The following MINPP1 variants were observed in gnomAD, a reference collection of about 807,000 sequenced individuals.
The protein encoded by MINPP1 is multiple inositol-polyphosphate phosphatase 1, also known as multiple inositol polyphosphate phosphatase 1.
A neutral mutation model predicts 46.1 loss-of-function variants in MINPP1; 28 were observed. The ratio of observed to expected loss-of-function variants is 0.61; its 90% CI spans 0.45 to 0.83. MINPP1 has a LOEUF of 0.83. Among genes scored for constraint, MINPP1 ranks in the 40% least tolerant of loss-of-function variants. MINPP1 has a pLI of 0.00. For missense variants in MINPP1, 603 were observed against 610.0 expected (o/e 0.99, Z 0.12); for synonymous variants, 268 against 249.1 (o/e 1.08, Z -0.72).
chr10:87,524,873 AG>A (rs1382288340), intron 4 of MINPP1, among the ~76,000 whole-genome samples: 1 of 152,216 alleles, frequency 6.6e-6, no homozygotes, highest in Admixed American at 6.5e-5. Flanking sequence ...GTAACATAAA[AG>A]ATCACTGATC....
intron 4 of MINPP1, among the ~76,000 whole-genome samples, chr10:87,543,172 C>T (rs1851840416): frequency 6.6e-6 from 1 of 152,112 alleles, no homozygotes; most frequent in African/African-American, 2.4e-5. Flanking sequence ...CAAGATGTGG[C>T]CTGGCTGCTT....
intron 4 of MINPP1, among the ~76,000 whole-genome samples, chr10:87,535,522 GC>G (rs1278515770): frequency 6.6e-6 from 1 of 152,166 alleles, no homozygotes; most frequent in African/African-American, 2.4e-5. Flanking sequence ...AATGTAAAAT[GC>G]CCAAGTTAAT....
rs552675367 is a variant in MINPP1 at position 87,542,761 on chromosome 10, C to T, written c.1068-9321C>T. Among the ~76,000 whole-genome samples the T allele has an allele frequency of 1.9e-3, 285 of 152,286 alleles. 2 individuals carry two copies. Among genetic ancestry groups the T allele is most frequent in the African/African-American group, 6.4e-3 (264 of 41,546 alleles). On this transcript the variant is annotated intron_variant, in intron 4 of 4. Transcript: ENST00000371996. ...GCCTGCAGAACCGTAAGCCAAAATA[C>T]ACTTGTTTTCTTTATAAATTACCCA...
In MINPP1 at chr10:87,505,569, C is replaced by T. The variant is rs751902526; in HGVS notation, c.637+17C>T. 3 of 1,591,986 alleles carry T rather than the reference C, an allele frequency of 1.9e-6. No individual in the cohort carries two copies. The highest frequency in any genetic ancestry group is 1.3e-5 in the African/African-American group (1 of 74,724). ...ACGTCGCAGGTGACCCCCCGGGCGGCCCGTGTGCTGTCCCGGTCCTCCCAC... is the reference window on the plus strand; with the variant it reads ...ACGTCGCAGGTGACCCCCCGGGCGGTCCGTGTGCTGTCCCGGTCCTCCCAC... On this transcript the variant is annotated intron_variant, in intron 1 of 4. Transcript: ENST00000371996. The surrounding 1 kb of genome is among the most constrained non-coding windows in gnomAD (Gnocchi z 4.4).
intron 4 of MINPP1, among the ~76,000 whole-genome samples, chr10:87,529,380 A>G (rs1851624365): frequency 6.6e-6 from 1 of 152,106 alleles, no homozygotes; most frequent in Non-Finnish European, 1.5e-5. Flanking sequence ...TGCTTCCTTC[A>G]GGAGCTCTTG....
rs574195041 is a variant in MINPP1, at chr10:87,536,028, A to G, written c.1067+14859A>G. ...CATGTATTCTGAGGTTTACACTTAA[A>G]CATCTCTCTCCTTAATTAGAACATA... On this transcript the variant is annotated intron_variant, in intron 4 of 4. Coordinates refer to ENST00000371996, the MANE Select transcript of MINPP1 (RefSeq NM_004897.5). Among the ~76,000 whole-genome samples the G allele has an allele frequency of 4.9e-3, 742 of 152,350 alleles. 11 individuals are homozygous for G. Among genetic ancestry groups the G allele is most frequent in the African/African-American group, 0.017 (715 of 41,582 alleles).
At chr10:87,532,314 A>G (rs1851672199) in intron 4 of MINPP1, among the ~76,000 whole-genome samples, 1 of 152,268 alleles carries the variant, frequency 6.6e-6, no homozygotes, top group Non-Finnish European at 1.5e-5. Context: ...TATGTCAGGC[A>G]GTGATGACTG....
At chr10:87,521,441 T>C (rs561335118) in intron 4 of MINPP1, among the ~76,000 whole-genome samples, 1 of 152,300 alleles carries the variant, frequency 6.6e-6, no homozygotes, top group Admixed American at 6.5e-5. Context: ...CCTCTTGCCC[T>C]TCCCTTTCCT....
At position 87,505,136 on chromosome 10, in the gene MINPP1, T is replaced by C. The variant is rs775673411; in HGVS notation, c.221T>C (p.Leu74Pro). The C allele has an allele frequency of 6.2e-7, 1 of 1,612,076 alleles. No homozygotes were observed. The highest frequency in any genetic ancestry group is 8.5e-7 in the Non-Finnish European group (1 of 1,179,354). The change falls in exon 1 of 5, where the codon CTG becomes CCG. Residue 74 changes from leucine to proline, a missense_variant. By Grantham distance (98) the Leu-to-Pro change is moderately conservative. Around this residue, in one of 3 missense-constraint regions of MINPP1, gnomAD observed 239 missense variants for 189.4 expected, o/e 1.26. Coordinates refer to ENST00000371996, the MANE Select transcript of MINPP1 (RefSeq NM_004897.5). The surrounding 1 kb of genome is among the most constrained non-coding windows in gnomAD (Gnocchi z 4.4). ...GCTCCGTGGCGGGACCCTGAGCTGCTGGAGGGGACCTGCACCCCGGTGCAG... is the reference window on the plus strand; with the variant it reads ...GCTCCGTGGCGGGACCCTGAGCTGCCGGAGGGGACCTGCACCCCGGTGCAG... ...PEAPWRDPEL[L>P]EGTCTPVQLV...
chr10:87,517,982 C>G (rs967376327), intron 3 of MINPP1, among the ~76,000 whole-genome samples: 38 of 115,048 alleles, frequency 3.3e-4, no homozygotes, highest in African/African-American at 1.2e-3. Context: ...TTTTTTGAGA[C>G]AGAGTCTTGC....
chr10:87,522,316 C>T (rs1247528994), intron 4 of MINPP1, among the ~76,000 whole-genome samples: 2 of 152,072 alleles, frequency 1.3e-5, no homozygotes, highest in Non-Finnish European at 2.9e-5. Flanking sequence ...CACTTCCCTG[C>T]ATTGATGCGC....
intron 4 of MINPP1, among the ~76,000 whole-genome samples, chr10:87,523,690 T>C (rs1345959969): frequency 1.3e-5 from 2 of 152,110 alleles, no homozygotes; most frequent in Admixed American, 6.5e-5. Flanking sequence ...TTTCTTAAAA[T>C]TTATAATGAA....
At position 87,505,851 on chromosome 10, in the gene MINPP1, C is replaced by T. The variant is rs916868432; in HGVS notation, c.637+299C>T. Among the ~76,000 whole-genome samples the T allele has an allele frequency of 6.6e-6, 1 of 152,166 alleles. No individual in the cohort carries two copies. The highest frequency in any genetic ancestry group is 1.5e-5 in the Non-Finnish European group (1 of 68,024). The stretch of plus-strand genomic sequence containing the variant: ...ACAGGAAAGGGGACAGACGAGGTCT[C>T]CCGCAATTTTTGCGCTCCCGTTCCC... On this transcript the variant is annotated intron_variant, in intron 1 of 4. Transcript: ENST00000371996. This position sits in a 1 kb window ranked among gnomAD's most constrained non-coding sequence, Gnocchi z 4.4.
Position 87,552,126 on chromosome 10 carries a change from CAG to C in MINPP1, c.1116_1117del (p.Glu372AspfsTer51). The C allele has an allele frequency of 1.2e-6, 2 of 1,613,582 alleles. No individual in the cohort carries two copies. Among genetic ancestry groups the C allele is most frequent in the Non-Finnish European group, 1.7e-6 (2 of 1,179,686 alleles). On this transcript the variant is annotated frameshift_variant, in exon 5 of 5. Transcript: ENST00000371996. LOFTEE classifies it high-confidence loss of function. The stretch of plus-strand genomic sequence containing the variant: ...CCAGTCATCCTCCAGTTTGGTCATG[CAG>C]AGACTCTTCTTCCACTGCTTTCTCT...
intron 3 of MINPP1, 105 bp from the exon 4 acceptor site, chr10:87,520,931 A>G (rs1008930607): frequency 6.4e-6 from 4 of 620,666 alleles, no homozygotes; most frequent in Non-Finnish European, 1.1e-5. Flanking sequence ...TTTGTGCAGA[A>G]TGGTAATTAA....
chr10:87,508,424 T>A lies in MINPP1; in HGVS notation c.726T>A (p.Asn242Lys). The change falls in exon 2 of 5, where the codon AAT becomes AAA. Residue 242 changes from asparagine to lysine, a missense_variant. Asn to Lys is a moderately conservative substitution (Grantham distance 94, BLOSUM62 0). Transcript: ENST00000371996. ...CEKFLTEVEK[N>K]ATALYHVEAF... Reference sequence around the variant, plus strand: ...AGTTTTTAACTGAAGTAGAAAAAAATGCTACAGCTCTTTATCACGTGGAAG... The same window carrying A: ...AGTTTTTAACTGAAGTAGAAAAAAAAGCTACAGCTCTTTATCACGTGGAAG... 1.2e-6 allele frequency: 2 copies of A among 1,613,596 alleles called. No homozygotes were observed. Among genetic ancestry groups the A allele is most frequent in the Non-Finnish European group, 1.7e-6 (2 of 1,179,792 alleles).
At chr10:87,532,500 AC>A (rs1368388499) in intron 4 of MINPP1, among the ~76,000 whole-genome samples, 1 of 152,246 alleles carries the variant, frequency 6.6e-6, no homozygotes, top group African/African-American at 2.4e-5. Flanking sequence ...TCTTGTTCTA[AC>A]TGAAGAAGGA....
At chr10:87,535,826 G>A (rs1365132941) in intron 4 of MINPP1, among the ~76,000 whole-genome samples, 4 of 152,068 alleles carry the variant, frequency 2.6e-5, no homozygotes, top group Non-Finnish European at 4.4e-5. Context: ...CTACTCACGA[G>A]GCTGAGGTGG....
In MINPP1 at chr10:87,516,628, G is replaced by T. The variant is rs773928980; in HGVS notation, c.933+3407G>T. ...CACAAAGGAGAAAGTTAATTTGTAG[G>T]ATAGCTTTTTTGCAATTTGTGTCTG... On this transcript the variant is annotated intron_variant, in intron 3 of 4. Coordinates refer to ENST00000371996, the MANE Select transcript of MINPP1 (RefSeq NM_004897.5). 1.1e-4 allele frequency among the ~76,000 whole-genome samples: 11 copies of T among 104,212 alleles called. 4 individuals carry two copies. The highest frequency in any genetic ancestry group is 2.8e-4 in the Non-Finnish European group (11 of 39,822). 68.4% of individuals were successfully genotyped at this position (104,212 alleles called of 152,430 possible).
Sources: gnomAD v4.1 joint callset for allele counts (sites outside exome capture counted in the v4.1 genomes callset) on GRCh38, gnomAD v4.1.1 for gene constraint, gnomAD v4.1.1 regional missense constraint, Gnocchi (gnomAD v3.1) non-coding constraint, MANE v1.5 for transcripts, NCBI Gene and HGNC (gene_info 2026-07-23, HGNC 2026-07-21) for gene names.